CNTNAP2: variants seen among roughly 807,000 people sequenced by gnomAD.
CNTNAP2 encodes contactin-associated protein-like 2.
CNTNAP2 carries 98 observed loss-of-function variants against 155.2 expected under a neutral mutation model. The observed-to-expected ratio is 0.63, with a 90% CI of 0.54 to 0.75. CNTNAP2 has a LOEUF of 0.75. CNTNAP2 is among the 30% of genes least tolerant of loss of function. The probability of loss-of-function intolerance (pLI) is 0.00; values close to 1 mark genes in which losing one functional copy is unlikely to be tolerated. For synonymous variants in CNTNAP2, 651 were observed against 631.2 expected (o/e 1.03, Z -0.47); for missense variants, 1,727 against 1,688.1 (o/e 1.02, Z -0.40).
At chr7:147,051,422 C>G (rs957420337) in intron 4 of CNTNAP2, among the ~76,000 whole-genome samples, 1 of 151,874 alleles carries the variant, frequency 6.6e-6, no homozygotes, top group Non-Finnish European at 1.5e-5. Flanking sequence ...AGCATGAACT[C>G]TGCCCTCAAG....
chr7:147,814,849 C>G (rs1798240495), intron 13 of CNTNAP2, among the ~76,000 whole-genome samples: 1 of 152,014 alleles, frequency 6.6e-6, no homozygotes, highest in Admixed American at 6.6e-5. Context: ...AATAATCATC[C>G]TATAAACAAT....
At chr7:147,675,885 T>C (rs1795858481) in intron 13 of CNTNAP2, among the ~76,000 whole-genome samples, 1 of 152,092 alleles carries the variant, frequency 6.6e-6, no homozygotes. Flanking sequence ...ATGCCCATAA[T>C]TCTTTAGAGC....
rs371171685 is a variant in CNTNAP2, at chr7:147,194,175, T to C, written c.1348+61666T>C. Reference sequence around the variant, plus strand: ...CAACTCCCACTTATGAGTGAGAACATGCAGTATTTGGTTTTTGGTTCCTGT... The same window carrying C: ...CAACTCCCACTTATGAGTGAGAACACGCAGTATTTGGTTTTTGGTTCCTGT... On this transcript the variant is annotated intron_variant, in intron 8 of 23. Transcript: ENST00000361727. 7.9e-5 allele frequency among the ~76,000 whole-genome samples: 12 copies of C among 151,082 alleles called. No individual in the cohort carries two copies. In the East Asian group the frequency reaches 2.2e-3, roughly 27 times the overall value.
intron 3 of CNTNAP2, among the ~76,000 whole-genome samples, chr7:147,027,943 T>A (rs1798954210): frequency 6.6e-6 from 1 of 152,186 alleles, no homozygotes; most frequent in South Asian, 2.1e-4. Context: ...TGTTAACATC[T>A]TGTAGCCATT....
At chr7:147,192,744 C>G (rs1309102160) in intron 8 of CNTNAP2, among the ~76,000 whole-genome samples, 11 of 152,174 alleles carry the variant, frequency 7.2e-5, no homozygotes, top group Admixed American at 7.2e-4. Flanking sequence ...TTCCAACTCA[C>G]TGGTCATACT....
chr7:147,169,989 G>C (rs1802193858), intron 8 of CNTNAP2, among the ~76,000 whole-genome samples: 3 of 151,948 alleles, frequency 2.0e-5, no homozygotes, highest in Admixed American at 2.0e-4. Flanking sequence ...TGAGGAGGTA[G>C]TGGGCTCGTT....
chr7:146,478,026 C>T (rs1042362499), intron 1 of CNTNAP2, among the ~76,000 whole-genome samples: 1 of 151,954 alleles, frequency 6.6e-6, no homozygotes, highest in Non-Finnish European at 1.5e-5. Context: ...TTTGGTAACC[C>T]CAGACAGAGA....
Position 147,980,087 on chromosome 7 carries a change from C to G in CNTNAP2, c.2383+2098C>G, listed in dbSNP as rs190566575. Among the ~76,000 whole-genome samples the G allele has an allele frequency of 1.6e-3, 237 of 152,182 alleles. 2 individuals are homozygous for G. The highest frequency in any genetic ancestry group is 5.4e-3 in the African/African-American group (226 of 41,524). On this transcript the variant is annotated intron_variant, in intron 15 of 23. Transcript: ENST00000361727. ...AGGCTGTCATTCATCTAGAACTTTC[C>G]TAGGTGCTCTGGAAAGTAAGAAAAA...
intron 18 of CNTNAP2, among the ~76,000 whole-genome samples, chr7:148,195,453 C>T (rs1428559036): frequency 2.6e-5 from 4 of 152,172 alleles, no homozygotes; most frequent in African/African-American, 4.8e-5. Context: ...TCACAGAAGT[C>T]TTAGTTGACC....
intron 1 of CNTNAP2, among the ~76,000 whole-genome samples, chr7:146,757,655 A>C (rs1802016084): frequency 6.6e-6 from 1 of 152,198 alleles, no homozygotes; most frequent in African/African-American, 2.4e-5. Context: ...TGGAAATTAG[A>C]ACTTAAGTTT....
rs1385037752 is a variant in CNTNAP2, at chr7:147,211,483, GA to G, written c.1348+78975del. Among the ~76,000 whole-genome samples the G allele has an allele frequency of 7.2e-5, 11 of 152,016 alleles. No individual in the cohort carries two copies. In the East Asian group the frequency reaches 2.1e-3, roughly 29 times the overall value. ...AAAACAGGCACATAGACCAATAGAA[GA>G]GAACAGATAACCCAGAAATAAAGCC... On this transcript the variant is annotated intron_variant, in intron 8 of 23. Coordinates refer to ENST00000361727, the MANE Select transcript of CNTNAP2 (RefSeq NM_014141.6).
intron 15 of CNTNAP2, among the ~76,000 whole-genome samples, chr7:147,990,579 G>T (rs1801694824): frequency 6.6e-6 from 1 of 152,018 alleles, no homozygotes; most frequent in African/African-American, 2.4e-5. Flanking sequence ...CTGGGGAGGG[G>T]TTTATCTTGG....
intron 10 of CNTNAP2, among the ~76,000 whole-genome samples, chr7:147,485,220 T>C (rs1528519): frequency 0.61 from 93,467 of 152,034 alleles, 29,028 homozygotes; most frequent in African/African-American, 0.69. Context: ...AACATTATCC[T>C]CAAACCTTAA....
chr7:147,694,797 A>AT (rs901314032), intron 13 of CNTNAP2, among the ~76,000 whole-genome samples: 7 of 151,484 alleles, frequency 4.6e-5, no homozygotes, highest in Non-Finnish European at 7.4e-5. Context: ...AGTTTTGTTG[A>AT]TTTTCTCCAT....
chr7:146,202,419 T>G (rs537898454), intron 1 of CNTNAP2, among the ~76,000 whole-genome samples: 26 of 152,322 alleles, frequency 1.7e-4, no homozygotes, highest in African/African-American at 6.3e-4. Context: ...AAATATCATA[T>G]GTATCTAATT....
intron 6 of CNTNAP2, among the ~76,000 whole-genome samples, chr7:147,123,563 A>C (rs1343063765): frequency 6.6e-6 from 1 of 152,264 alleles, no homozygotes; most frequent in African/African-American, 2.4e-5. Context: ...GTAGGAAGAA[A>C]TTTAAATTAA....
At position 147,588,648 on chromosome 7, in the gene CNTNAP2, T is replaced by A. The variant is rs186254856; in HGVS notation, c.1897+26391T>A. Among the ~76,000 whole-genome samples the A allele has an allele frequency of 1.1e-3, 168 of 152,300 alleles. 7 individuals carry two copies. In the South Asian group the frequency reaches 0.033, roughly 30 times the overall value. On this transcript the variant is annotated intron_variant, in intron 12 of 23. Transcript: ENST00000361727. Reference sequence around the variant, plus strand: ...TAATCAGATGTGCCATTATGTTCTTTCCTTCACATCATAGTGCCAGGCAAC... The same window carrying A: ...TAATCAGATGTGCCATTATGTTCTTACCTTCACATCATAGTGCCAGGCAAC...
intron 11 of CNTNAP2, among the ~76,000 whole-genome samples, chr7:147,533,992 C>T (rs562498704): frequency 6.6e-6 from 1 of 152,278 alleles, no homozygotes; most frequent in East Asian, 1.9e-4. Context: ...AGTTAGCAAG[C>T]TATTCTGTGG....
chr7:146,690,206 C>T (rs183355472), intron 1 of CNTNAP2, among the ~76,000 whole-genome samples: 4 of 152,158 alleles, frequency 2.6e-5, no homozygotes, highest in African/African-American at 4.8e-5. Context: ...CAATCCACAG[C>T]GTACTAACCA....
Sources: allele counts gnomAD v4.1 joint callset (sites outside exome capture counted in the v4.1 genomes callset), GRCh38; gene constraint gnomAD v4.1.1; transcripts MANE v1.5; gene names NCBI Gene and HGNC (gene_info 2026-07-23, HGNC 2026-07-21).